Variants in C8orf34 observed in about 807,000 individuals in gnomAD.
C8orf34 encodes the protein chromosome 8 open reading frame 34, also known as uncharacterized protein C8orf34.
A neutral mutation model predicts 68.3 loss-of-function variants in C8orf34; 65 were observed. That is an observed-to-expected ratio of 0.95 (90% CI 0.78 to 1.17). C8orf34 has a LOEUF of 1.17. Ranked by LOEUF, C8orf34 falls within the 50% of genes most tolerant of loss-of-function variation. C8orf34 has a pLI of 0.00. For synonymous variants in C8orf34, 244 were observed against 241.2 expected, an observed-to-expected ratio of 1.01 and a Z score of -0.11; for missense variants, 664 against 655.4, an observed-to-expected ratio of 1.01 and a Z score of -0.14.
chr8:68,579,879 C>A (rs577006254), intron 7 of C8orf34, among the ~76,000 whole-genome samples: 1 of 152,240 alleles, frequency 6.6e-6, no homozygotes, highest in South Asian at 2.1e-4. Flanking sequence ...TCTCAGACTG[C>A]CTGAAACACA....
At chr8:68,632,492 T>TATC (rs1402436552) in intron 7 of C8orf34, among the ~76,000 whole-genome samples, 1 of 152,152 alleles carries the variant, frequency 6.6e-6, no homozygotes, top group East Asian at 1.9e-4. Context: ...AAGAAAAACC[T>TATC]ATCTTCTGGC....
At chr8:68,566,636 A>G (rs1816598071) in intron 7 of C8orf34, among the ~76,000 whole-genome samples, 1 of 152,214 alleles carries the variant, frequency 6.6e-6, no homozygotes, top group Non-Finnish European at 1.5e-5. Flanking sequence ...CCTTTATAGA[A>G]TTGAAGAGAA....
intron 3 of C8orf34, among the ~76,000 whole-genome samples, chr8:68,458,249 C>A (rs930574422): frequency 6.6e-6 from 1 of 152,128 alleles, no homozygotes; most frequent in African/African-American, 2.4e-5. Flanking sequence ...ATATAATTTT[C>A]CCAAAACTCA....
chr8:68,741,518 G>T (rs745871270), intron 10 of C8orf34, among the ~76,000 whole-genome samples: 15 of 152,000 alleles, frequency 9.9e-5, no homozygotes, highest in Non-Finnish European at 1.6e-4. Context: ...TAAATTATTT[G>T]ACTGTAGTCA....
chr8:68,662,423 T>C (rs1182645277), intron 8 of C8orf34, among the ~76,000 whole-genome samples: 1 of 152,164 alleles, frequency 6.6e-6, no homozygotes, highest in African/African-American at 2.4e-5. Context: ...TGAGTTATAA[T>C]AATCCCCACT....
intron 10 of C8orf34, among the ~76,000 whole-genome samples, chr8:68,772,671 T>G (rs1454983133): frequency 2.0e-5 from 3 of 151,926 alleles, no homozygotes; most frequent in Non-Finnish European, 4.4e-5. Context: ...TCTTTCTTCC[T>G]TCTTTCTTTC....
chr8:68,590,109 A>C (rs1182261954), intron 7 of C8orf34, among the ~76,000 whole-genome samples: 5 of 150,550 alleles, frequency 3.3e-5, no homozygotes, highest in African/African-American at 1.2e-4. Flanking sequence ...AAGAAGAAAA[A>C]GAAAAGAGAA....
In C8orf34 at chr8:68,370,843, A is replaced by G. The variant is rs1217259587; in HGVS notation, c.327+39504A>G. The stretch of plus-strand genomic sequence containing the variant: ...TTCACTTTGGTCTAACATCCTTAGA[A>G]TCCATTTCTGCACATATTTCCCAGA... On this transcript the variant is annotated intron_variant, in intron 1 of 13. Transcript: ENST00000518698. Among the ~76,000 whole-genome samples, 6 of 152,310 alleles carry G rather than the reference A, an allele frequency of 3.9e-5. No homozygotes were observed. In the East Asian group the frequency reaches 1.2e-3, roughly 29 times the overall value.
chr8:68,490,311 C>T (rs1301990994), intron 5 of C8orf34, among the ~76,000 whole-genome samples: 2 of 152,120 alleles, frequency 1.3e-5, no homozygotes, highest in African/African-American at 4.8e-5. Flanking sequence ...GTGCTTGGCT[C>T]TTGTCCTTCT....
chr8:68,483,652 C>T (rs569725693), intron 4 of C8orf34, among the ~76,000 whole-genome samples: 55 of 152,252 alleles, frequency 3.6e-4, no homozygotes, highest in African/African-American at 1.0e-3. Context: ...GTCAACATGG[C>T]AGATTAGCAT....
chr8:68,604,440 C>CAT (rs10653911), intron 7 of C8orf34, among the ~76,000 whole-genome samples: 40,726 of 151,732 alleles, frequency 0.27, 7,604 homozygotes, highest in African/African-American at 0.54. Context: ...TGTAAGAAAA[C>CAT]AAGTAAAATA....
chr8:68,629,978 C>T (rs28515109), intron 7 of C8orf34, among the ~76,000 whole-genome samples: 1,569 of 152,116 alleles, frequency 0.01, 24 homozygotes, highest in African/African-American at 0.035. Flanking sequence ...AATATGATTG[C>T]ATTTACCTCA....
At chr8:68,548,534 T>C (rs768386039) in intron 7 of C8orf34, among the ~76,000 whole-genome samples, 1 of 151,760 alleles carries the variant, frequency 6.6e-6, no homozygotes, top group Non-Finnish European at 1.5e-5. Flanking sequence ...CAACACTAAA[T>C]GTTGCTAAGT....
intron 12 of C8orf34, among the ~76,000 whole-genome samples, chr8:68,806,937 T>TA (rs1386025286): frequency 2.0e-5 from 3 of 152,230 alleles, no homozygotes; most frequent in Non-Finnish European, 2.9e-5. Flanking sequence ...GGGCTGGAGA[T>TA]ACACTTGCAA....
At chr8:68,383,669 C>A (rs937855160) in intron 1 of C8orf34, among the ~76,000 whole-genome samples, 4 of 152,132 alleles carry the variant, frequency 2.6e-5, no homozygotes, top group Non-Finnish European at 4.4e-5. Context: ...CAATAGTGCA[C>A]CCTTCTGGAA....
chr8:68,670,512 A>G (rs906822388), intron 8 of C8orf34, among the ~76,000 whole-genome samples: 1 of 152,196 alleles, frequency 6.6e-6, no homozygotes, highest in African/African-American at 2.4e-5. Context: ...TCTCTGTGTA[A>G]TAAGGCAAAC....
At chr8:68,680,746 T>G (rs1820344220) in intron 8 of C8orf34, among the ~76,000 whole-genome samples, 1 of 152,112 alleles carries the variant, frequency 6.6e-6, no homozygotes, top group Non-Finnish European at 1.5e-5. Flanking sequence ...AGTGCACCTA[T>G]TGTCTTGATA....
intron 7 of C8orf34, among the ~76,000 whole-genome samples, chr8:68,572,983 G>A (rs901402869): frequency 2.0e-5 from 3 of 152,052 alleles, no homozygotes; most frequent in Non-Finnish European, 4.4e-5. Flanking sequence ...CTTGAGTAGA[G>A]TTATCATGGC....
intron 11 of C8orf34, among the ~76,000 whole-genome samples, chr8:68,781,535 G>A (rs1450204409): frequency 2.0e-5 from 3 of 152,188 alleles, no homozygotes; most frequent in Non-Finnish European, 4.4e-5. Context: ...TGTGGAAAAT[G>A]TATATCTGAA....
Sources: allele counts gnomAD v4.1 joint callset (sites outside exome capture counted in the v4.1 genomes callset), GRCh38; gene constraint gnomAD v4.1.1; transcripts MANE v1.5; gene names NCBI Gene and HGNC (gene_info 2026-07-23, HGNC 2026-07-21).